The following RANBP2 variants were observed in gnomAD, a reference collection of about 807,000 sequenced individuals.
RANBP2 encodes RAN binding protein 2.
RANBP2 carries 57 observed loss-of-function variants against 303.6 expected under a neutral mutation model. The observed-to-expected ratio is 0.19, with a 90% CI of 0.15 to 0.23. The LOEUF (loss-of-function observed/expected upper bound fraction) is 0.23. Among genes scored for constraint, RANBP2 ranks in the 10% least tolerant of loss-of-function variants. The pLI is 1.00. For missense variants in RANBP2, 3,138 were observed against 3,780.8 expected, an observed-to-expected ratio of 0.83 and a Z score of 4.46; for synonymous variants, 1,167 against 1,301.5, an observed-to-expected ratio of 0.90 and a Z score of 2.23.
chr2:109,411,059 G>A, the RANBP2 span, among the ~76,000 whole-genome samples: 2 of 152,210 alleles, frequency 1.3e-5, no homozygotes, highest in Non-Finnish European at 2.9e-5. Flanking sequence ...CATCAGAGAG[G>A]TGGCTCGTGG....
chr2:109,494,379 G>T, the RANBP2 span, among the ~76,000 whole-genome samples: 1 of 152,126 alleles, frequency 6.6e-6, no homozygotes, highest in Non-Finnish European at 1.5e-5. Context: ...CTGCTCATGA[G>T]CCCCAGAAGT....
chr2:108,757,547 T>A (rs1676407780), intron 17 of RANBP2, among the ~76,000 whole-genome samples: 1 of 152,216 alleles, frequency 6.6e-6, no homozygotes, highest in Non-Finnish European at 1.5e-5. Context: ...AGCTACTACT[T>A]TTTTCCCTTT....
At chr2:109,295,933 C>T in the RANBP2 span, among the ~76,000 whole-genome samples, 51 of 152,240 alleles carry the variant, frequency 3.3e-4, no homozygotes, top group East Asian at 7.5e-3. Context: ...CTGCCTGTGC[C>T]GACACTGCTC....
chr2:109,449,756 T>A, the RANBP2 span, among the ~76,000 whole-genome samples: 7 of 152,224 alleles, frequency 4.6e-5, no homozygotes, highest in South Asian at 4.1e-4. Context: ...GTGTCCCCTC[T>A]TGAAAATGCC....
At chr2:109,695,332 G>A in the RANBP2 span, among the ~76,000 whole-genome samples, 2 of 152,028 alleles carry the variant, frequency 1.3e-5, no homozygotes, top group Non-Finnish European at 1.5e-5. Flanking sequence ...CTGCTTCTTG[G>A]TTTGATGAAT....
chr2:108,999,169 AC>A, the RANBP2 span, among the ~76,000 whole-genome samples: 1 of 152,178 alleles, frequency 6.6e-6, no homozygotes, highest in Admixed American at 6.5e-5. Flanking sequence ...TTGGCTTCTA[AC>A]TTGCTTAACC....
the RANBP2 span, among the ~76,000 whole-genome samples, chr2:109,652,253 C>G: frequency 3.3e-5 from 5 of 150,486 alleles, no homozygotes; most frequent in African/African-American, 4.9e-5. Context: ...GACGGAGTCT[C>G]GCTCTGTCAC....
chr2:108,827,739 C>T, the RANBP2 span, among the ~76,000 whole-genome samples: 1 of 151,552 alleles, frequency 6.6e-6, no homozygotes, highest in Non-Finnish European at 1.5e-5. Context: ...TGGCATGAAC[C>T]CAGGAGGCGG....
chr2:108,751,005 C>G (rs1675837166), intron 9 of RANBP2, among the ~76,000 whole-genome samples: 1 of 152,034 alleles, frequency 6.6e-6, no homozygotes, highest in Non-Finnish European at 1.5e-5. Flanking sequence ...TTATTGAGTT[C>G]TAGTCAGTGT....
At chr2:109,698,330 G>C in the RANBP2 span, among the ~76,000 whole-genome samples, 1 of 151,658 alleles carries the variant, frequency 6.6e-6, no homozygotes, top group African/African-American at 2.4e-5. Flanking sequence ...GCCAGGTGTG[G>C]TGGCATGAGC....
At chr2:109,608,065 C>T in the RANBP2 span, among the ~76,000 whole-genome samples, 1 of 151,408 alleles carries the variant, frequency 6.6e-6, no homozygotes, top group Non-Finnish European at 1.5e-5. Flanking sequence ...CTCATCTATA[C>T]ACATAGAATT....
At chr2:108,953,295 C>T in the RANBP2 span, among the ~76,000 whole-genome samples, 1,211 of 152,216 alleles carry the variant, frequency 8.0e-3, 9 homozygotes, top group South Asian at 0.029. Flanking sequence ...TAGCTTGTGC[C>T]GAGTCTTGGC....
the RANBP2 span, among the ~76,000 whole-genome samples, chr2:109,710,725 T>C: frequency 7.3e-3 from 1,105 of 151,836 alleles, 9 homozygotes; most frequent in Non-Finnish European, 9.9e-3. Flanking sequence ...AAGCACAGAG[T>C]CAGGGAGAAG....
At chr2:108,817,645 A>G in the RANBP2 span, among the ~76,000 whole-genome samples, 1 of 152,188 alleles carries the variant, frequency 6.6e-6, no homozygotes, top group African/African-American at 2.4e-5. Context: ...CACAAAGGAC[A>G]TACAAATCTC....
chr2:109,474,226 T>G, the RANBP2 span, among the ~76,000 whole-genome samples: 1 of 151,838 alleles, frequency 6.6e-6, no homozygotes, highest in Middle Eastern at 3.2e-3. Flanking sequence ...TCTAGGGAGG[T>G]GGGTGTGGGC....
the RANBP2 span, among the ~76,000 whole-genome samples, chr2:109,370,207 CTG>C: frequency 3.7e-4 from 54 of 145,644 alleles, no homozygotes; most frequent in African/African-American, 1.5e-3. Flanking sequence ...GTCTCTGTCT[CTG>C]TCTCTGTCTC....
chr2:109,501,367 A>G, the RANBP2 span: 2 of 509,034 alleles, frequency 3.9e-6, no homozygotes, highest in South Asian at 3.5e-5. Flanking sequence ...AATTAAAAAT[A>G]AAGATAAATA....
chr2:109,590,803 A>G, the RANBP2 span, among the ~76,000 whole-genome samples: 329 of 152,276 alleles, frequency 2.2e-3, 3 homozygotes, highest in South Asian at 4.1e-3. Flanking sequence ...TCCACCTGCC[A>G]GTTCTCCCTT....
the RANBP2 span, among the ~76,000 whole-genome samples, chr2:109,422,852 G>A: frequency 6.6e-6 from 1 of 152,190 alleles, no homozygotes; most frequent in Non-Finnish European, 1.5e-5. Context: ...GAGGCAGGGA[G>A]AGGGCATAGG....
Sources: gnomAD v4.1 joint callset for allele counts (sites outside exome capture counted in the v4.1 genomes callset) on GRCh38, gnomAD v4.1.1 for gene constraint, MANE v1.5 for transcripts, NCBI Gene and HGNC (gene_info 2026-07-23, HGNC 2026-07-21) for gene names.